CPNE8: variants seen among roughly 807,000 people sequenced by gnomAD.
CPNE8 encodes the protein copine 8, also known as copine-8.
CPNE8 carries 45 observed loss-of-function variants against 81.5 expected under a neutral mutation model. That is an observed-to-expected ratio of 0.55 (90% confidence interval 0.44 to 0.71). The LOEUF is 0.71. Ranked by LOEUF, CPNE8 falls within the 30% of genes least tolerant of loss-of-function variation. The probability of loss-of-function intolerance (pLI) is 0.00; values close to 1 mark genes in which losing one functional copy is unlikely to be tolerated. For synonymous variants in CPNE8, 252 were observed against 226.3 expected (o/e 1.11, Z -1.02); for missense variants, 594 against 672.1 (o/e 0.88, Z 1.28).
At chr12:38,739,598 C>T (rs1179798244) in intron 10 of CPNE8, among the ~76,000 whole-genome samples, 1 of 152,166 alleles carries the variant, frequency 6.6e-6, no homozygotes, top group Non-Finnish European at 1.5e-5. Flanking sequence ...TTGGGTTCTA[C>T]TGACTTTGGG....
At chr12:38,660,870 C>T (rs1216851043) in intron 19 of CPNE8, among the ~76,000 whole-genome samples, 2 of 152,198 alleles carry the variant, frequency 1.3e-5, no homozygotes, top group African/African-American at 2.4e-5. Flanking sequence ...CTAATCATCA[C>T]TGGTCATCAG....
chr12:38,789,977 C>A (rs1942284201), intron 6 of CPNE8, among the ~76,000 whole-genome samples: 1 of 151,598 alleles, frequency 6.6e-6, no homozygotes, highest in South Asian at 2.1e-4. Flanking sequence ...GAAAAATAAA[C>A]CCTTGGACCT....
chr12:38,818,920 A>AT (rs1192271841), intron 6 of CPNE8, among the ~76,000 whole-genome samples: 15 of 152,334 alleles, frequency 9.8e-5, no homozygotes, highest in African/African-American at 3.4e-4. Context: ...TGTTGGCCGC[A>AT]TAAGTGTCTT....
chr12:38,705,992 A>G (rs1940097907), intron 13 of CPNE8, among the ~76,000 whole-genome samples: 1 of 152,150 alleles, frequency 6.6e-6, no homozygotes, highest in Non-Finnish European at 1.5e-5. Flanking sequence ...GTACCAGTTA[A>G]CCACAAAATA....
chr12:38,730,268 T>G lies in CPNE8; in HGVS notation c.798+15A>C, dbSNP rs1382917366. 1 of 1,468,084 alleles carries G rather than the reference T, an allele frequency of 6.8e-7. No individual in the cohort carries two copies. The highest frequency in any genetic ancestry group is 9.5e-7 in the Non-Finnish European group (1 of 1,052,616). The allele number at this position is 1,468,084 out of a possible 1,614,324, so 90.9% of individuals were successfully genotyped here. A position where few individuals can be genotyped will look rare whatever the true frequency, so the allele number is the denominator to read the frequency against. On this transcript the variant is annotated intron_variant, in intron 11 of 19. Coordinates refer to ENST00000331366, the MANE Select transcript of CPNE8 (RefSeq NM_153634.3). ...ATTCTAGAAAAAAACAATGGTAAAA[T>G]AAAATGCCTCTTACCTCATATACGT...
At chr12:38,893,851 T>G (rs1236207883) in intron 1 of CPNE8, among the ~76,000 whole-genome samples, 1 of 152,230 alleles carries the variant, frequency 6.6e-6, no homozygotes, top group East Asian at 1.9e-4. Flanking sequence ...AATATCATTT[T>G]AAATACACTA....
chr12:38,861,712 G>T (rs1943838763), intron 3 of CPNE8, among the ~76,000 whole-genome samples: 1 of 152,034 alleles, frequency 6.6e-6, no homozygotes, highest in Admixed American at 6.5e-5. Flanking sequence ...GTGATCAAAA[G>T]ATTTTATGTT....
intron 1 of CPNE8, among the ~76,000 whole-genome samples, chr12:38,901,669 T>C (rs1914052): frequency 0.87 from 132,911 of 152,198 alleles, 58,286 homozygotes; most frequent in Non-Finnish European, 0.92. Flanking sequence ...GAGCTTGCCT[T>C]TGCATAAATA....
chr12:38,766,184 A>G (rs1287098570), intron 8 of CPNE8, among the ~76,000 whole-genome samples: 1 of 151,534 alleles, frequency 6.6e-6, no homozygotes, highest in Non-Finnish European at 1.5e-5. Context: ...CAAGCATAAT[A>G]CATTTTTTAA....
In CPNE8 at chr12:38,841,276, G is replaced by A. The variant is rs555190842; in HGVS notation, c.291-1321C>T. 1.2e-4 allele frequency among the ~76,000 whole-genome samples: 19 copies of A among 152,226 alleles called. 1 individual carries two copies. In the South Asian group the frequency reaches 3.7e-3, roughly 30 times the overall value. On this transcript the variant is annotated intron_variant, in intron 4 of 19. Transcript: ENST00000331366. The stretch of plus-strand genomic sequence containing the variant: ...ATCTTAGCATTACTCCAAGTGATGG[G>A]ATGTGAGAGAGAACACACAGAGCCA...
At chr12:38,850,463 T>C (rs1592136893) in intron 3 of CPNE8, among the ~76,000 whole-genome samples, 2 of 152,282 alleles carry the variant, frequency 1.3e-5, no homozygotes, top group East Asian at 3.9e-4. Context: ...TCCTCAGCAA[T>C]AGGAGTGACT....
At chr12:38,856,606 T>C (rs1278904277) in intron 3 of CPNE8, among the ~76,000 whole-genome samples, 1 of 152,198 alleles carries the variant, frequency 6.6e-6, no homozygotes. Context: ...TCCTATAATA[T>C]TCTGAATCGA....
At chr12:38,870,972 T>G (rs1943984189) in intron 3 of CPNE8, among the ~76,000 whole-genome samples, 1 of 152,084 alleles carries the variant, frequency 6.6e-6, no homozygotes, top group African/African-American at 2.4e-5. Context: ...CCTCTTAAAG[T>G]TGCTGTGAAA....
In CPNE8 at chr12:38,878,546, T is replaced by G. The variant is rs145955269; in HGVS notation, c.99-4035A>C. ...GCTCATCTGATAACCCAGCCTGCTC[T>G]GATTTTATGCTCAACAAGTCATCTT... On this transcript the variant is annotated intron_variant, in intron 1 of 19. Coordinates refer to ENST00000331366, the MANE Select transcript of CPNE8 (RefSeq NM_153634.3). Among the ~76,000 whole-genome samples the G allele has an allele frequency of 9.2e-5, 14 of 152,314 alleles. No homozygotes were observed. In the East Asian group the frequency reaches 2.1e-3, roughly 23 times the overall value.
chr12:38,702,815 T>C, intron 14 of CPNE8, 60 bp downstream of exon 14: 3 of 1,012,438 alleles, frequency 3.0e-6, no homozygotes, highest in Non-Finnish European at 4.4e-6. Flanking sequence ...TATGAAAATA[T>C]AAATTTATTT....
chr12:38,812,798 C>G (rs1942960732), intron 6 of CPNE8, among the ~76,000 whole-genome samples: 1 of 152,200 alleles, frequency 6.6e-6, no homozygotes, highest in Admixed American at 6.5e-5. Context: ...GTGTGCCCCT[C>G]TTGCCTTTCT....
At chr12:38,798,974 G>A (rs1225597162) in intron 6 of CPNE8, among the ~76,000 whole-genome samples, 2 of 152,000 alleles carry the variant, frequency 1.3e-5, no homozygotes, top group Non-Finnish European at 2.9e-5. Context: ...AATGGTAAAG[G>A]GATCAATTCA....
rs573978008 is a variant in CPNE8 at position 38,798,521 on chromosome 12, G to A, written c.408-22220C>T. Among the ~76,000 whole-genome samples, 5 of 151,840 alleles carry A rather than the reference G, an allele frequency of 3.3e-5. No individual in the cohort carries two copies. The East Asian group carries it at 7.7e-4, about 24-fold the overall frequency. ...TGCTGAGAGATGTTGTCACCACCAG[G>A]CCTGCCCTAAAAGAGCTCCTGAAGG... On this transcript the variant is annotated intron_variant, in intron 6 of 19. Transcript: ENST00000331366.
chr12:38,759,500 C>T (rs1941531196), intron 10 of CPNE8, among the ~76,000 whole-genome samples: 1 of 152,086 alleles, frequency 6.6e-6, no homozygotes, highest in South Asian at 2.1e-4. Flanking sequence ...CTAAATAATA[C>T]ATTAACCAAA....
Sources: allele counts gnomAD v4.1 joint callset (sites outside exome capture counted in the v4.1 genomes callset), GRCh38; gene constraint gnomAD v4.1.1; transcripts MANE v1.5; gene names NCBI Gene and HGNC (gene_info 2026-07-23, HGNC 2026-07-21).